CACNA1C: variants seen among roughly 807,000 people sequenced by gnomAD.
The protein encoded by CACNA1C is voltage-dependent L-type calcium channel subunit alpha-1C.
A neutral mutation model predicts 229.0 loss-of-function variants in CACNA1C; 30 were observed. The ratio of observed to expected loss-of-function variants is 0.13; its 90% CI spans 0.10 to 0.18. The LOEUF is 0.18. Ranked by LOEUF, CACNA1C falls within the 10% of genes least tolerant of loss-of-function variation. CACNA1C has a pLI of 1.00. For missense variants in CACNA1C, 1,658 were observed against 2,845.0 expected, an observed-to-expected ratio of 0.58 and a Z score of 9.49; for synonymous variants, 1,114 against 1,132.5, an observed-to-expected ratio of 0.98 and a Z score of 0.33.
intron 1 of CACNA1C, among the ~76,000 whole-genome samples, chr12:2,065,276 G>A (rs2058916892): frequency 6.6e-6 from 1 of 152,290 alleles, no homozygotes; most frequent in East Asian, 1.9e-4. Context: ...TATTTAAAAG[G>A]CAAAAATTTT....
At chr12:2,680,645 A>G (rs2097102834) in intron 42 of CACNA1C, 2 of 1,351,834 alleles carry the variant, frequency 1.5e-6, no homozygotes, top group Non-Finnish European at 2.0e-6. Flanking sequence ...AAACCCCTGG[A>G]AAAGTGTCCA....
intron 3 of CACNA1C, among the ~76,000 whole-genome samples, chr12:2,419,610 C>T (rs981119562): frequency 1.3e-5 from 2 of 152,190 alleles, no homozygotes; most frequent in African/African-American, 2.4e-5. Flanking sequence ...GCAGGGGCCC[C>T]GCAGTCCAGA....
At chr12:2,248,409 G>T (rs548911493) in intron 3 of CACNA1C, among the ~76,000 whole-genome samples, 3 of 152,300 alleles carry the variant, frequency 2.0e-5, no homozygotes, top group African/African-American at 4.8e-5. Flanking sequence ...CCTTTCCATT[G>T]TGAAGGAACC....
At chr12:2,497,992 C>A (rs1397726202) in intron 7 of CACNA1C, among the ~76,000 whole-genome samples, 1 of 151,958 alleles carries the variant, frequency 6.6e-6, no homozygotes, top group Non-Finnish European at 1.5e-5. Context: ...CACACACACA[C>A]ACACACACAC....
chr12:2,687,749 G>A (rs2097583180), intron 45 of CACNA1C, among the ~76,000 whole-genome samples: 1 of 152,152 alleles, frequency 6.6e-6, no homozygotes, highest in African/African-American at 2.4e-5. Flanking sequence ...GTGTTGGTCA[G>A]GCTGGTCTTG....
rs145304746 is a variant in CACNA1C at position 2,004,536 on chromosome 12, G to A, written c.139+33335G>A. The A allele has an allele frequency of 1.2e-3, 1,774 of 1,466,560 alleles. 16 individuals carry two copies. In the African/African-American group the frequency reaches 0.021, roughly 18 times the overall value. The allele number at this position is 1,466,560 out of a possible 1,614,324, so 90.8% of individuals were successfully genotyped here. A position where few individuals can be genotyped will look rare whatever the true frequency, so the allele number is the denominator to read the frequency against. On this transcript the variant is annotated intron_variant, in intron 1 of 46. Coordinates refer to the CACNA1C transcript ENST00000682462. ...AACCGAGAACCCACGGCGACCACAC[G>A]GCCCGGGAGGCCTTCCGGCTCCAGT...
rs1488681849 is a variant in CACNA1C, at chr12:2,665,840, G to A, written c.4526+132G>A. ...AAACACTGGATTGTATCACACCCTA[G>A]GGTGAAAGGTCAAGGGCCAGCAGGA... On this transcript the variant is annotated intron_variant, in intron 36 of 46. Transcript: ENST00000399655. This position sits in a 1 kb window ranked among gnomAD's most constrained non-coding sequence, Gnocchi z 5.9. 8 of 895,280 alleles carry A rather than the reference G, an allele frequency of 8.9e-6. No homozygotes were observed. Among genetic ancestry groups the A allele is most frequent in the African/African-American group, 6.9e-5 (4 of 58,178 alleles). The allele number at this position is 895,280 out of a possible 1,614,324, so 55.5% of individuals were successfully genotyped here.
chr12:2,098,363 G>A (rs1044637973), intron 1 of CACNA1C, among the ~76,000 whole-genome samples: 2 of 152,242 alleles, frequency 1.3e-5, no homozygotes, highest in Admixed American at 6.5e-5. Flanking sequence ...GCCTGTGAGT[G>A]TGTAGAAATA....
chr12:2,477,173 T>C (rs555908033), intron 5 of CACNA1C, among the ~76,000 whole-genome samples: 6 of 152,350 alleles, frequency 3.9e-5, no homozygotes, highest in Admixed American at 2.6e-4. Flanking sequence ...CAGTGCAACA[T>C]GATTCATGGA....
chr12:2,641,474 G>A (rs1057154814), intron 30 of CACNA1C: 2 of 545,510 alleles, frequency 3.7e-6, no homozygotes, highest in African/African-American at 1.9e-5. Flanking sequence ...AGGACAGCTG[G>A]GTGGGGCAGA....
Position 2,188,331 on chromosome 12 carries a change from G to A in CACNA1C, c.477+67901G>A, listed in dbSNP as rs111707112. ...TATTAAGAATAAATTATTCATTTTA[G>A]TCTTGCAACATAAACTCTTATTCTG... On this transcript the variant is annotated intron_variant, in intron 3 of 46. Transcript: ENST00000399655. Among the ~76,000 whole-genome samples, 9 of 148,100 alleles carry A rather than the reference G, an allele frequency of 6.1e-5. 1 individual carries two copies. The highest frequency in any genetic ancestry group is 2.3e-4 in the African/African-American group (9 of 38,896).
chr12:2,143,361 C>T (rs1296698750), intron 3 of CACNA1C, among the ~76,000 whole-genome samples: 1 of 151,106 alleles, frequency 6.6e-6, no homozygotes, highest in South Asian at 2.1e-4. Context: ...CCCTCAAATT[C>T]ACTCACCACT....
chr12:2,553,816 G>A lies in CACNA1C; in HGVS notation c.1482-3135G>A, dbSNP rs138785271. Among the ~76,000 whole-genome samples, 1,135 of 152,318 alleles carry A rather than the reference G, an allele frequency of 7.5e-3. 8 individuals carry two copies. The highest frequency in any genetic ancestry group is 0.037 in the Middle Eastern group (11 of 294). ...TTGGGTCCTCTGAAAGAGCAGGAGG[G>A]ATCATAGAAAGGGAGGCTCTGGCCA... is the stretch of plus-strand genomic sequence containing the variant. On this transcript the variant is annotated intron_variant, in intron 10 of 46. Coordinates refer to ENST00000399655, the MANE Select transcript of CACNA1C (RefSeq NM_000719.7).
intron 43 of CACNA1C, among the ~76,000 whole-genome samples, chr12:2,685,418 A>C (rs1461738150): frequency 1.3e-5 from 2 of 150,980 alleles, no homozygotes; most frequent in East Asian, 2.0e-4. Flanking sequence ...TCCCCAAAAG[A>C]ACTTCATGGG....
chr12:2,401,042 C>T (rs762940196), intron 3 of CACNA1C, among the ~76,000 whole-genome samples: 5 of 152,220 alleles, frequency 3.3e-5, no homozygotes, highest in African/African-American at 1.2e-4. Flanking sequence ...CCTAGAAGCC[C>T]CCCAAGGCTT....
Position 2,346,325 on chromosome 12 carries a change from TTGTAA to T in CACNA1C, c.478-102647_478-102643del, listed in dbSNP as rs1207702343. Among the ~76,000 whole-genome samples the T allele has an allele frequency of 6.6e-6, 1 of 152,132 alleles. No homozygotes were observed. The highest frequency in any genetic ancestry group is 1.5e-5 in the Non-Finnish European group (1 of 68,016). ...TACATTTCTGTGTGTCTGTGTGTCT[TTGTAA>T]TGTGTGTGTGTGCCTATGTATGTCT... On this transcript the variant is annotated intron_variant, in intron 3 of 46. Transcript: ENST00000399655. This position sits in a 1 kb window ranked among gnomAD's most constrained non-coding sequence, Gnocchi z 4.4.
rs538766935 is a variant in CACNA1C at position 2,172,985 on chromosome 12, C to T, written c.477+52555C>T. Among the ~76,000 whole-genome samples the T allele has an allele frequency of 3.9e-5, 6 of 152,228 alleles. No homozygotes were observed. The South Asian group carries it at 8.3e-4, about 21-fold the overall frequency. ...AGGACTGAGTTCTGAATGGCAGGGA[C>T]GTTTGCAGACAGGAGACTGGCGTCT... On this transcript the variant is annotated intron_variant, in intron 3 of 46. Coordinates refer to ENST00000399655, the MANE Select transcript of CACNA1C (RefSeq NM_000719.7).
intron 1 of CACNA1C, among the ~76,000 whole-genome samples, chr12:2,013,358 A>G (rs753681766): frequency 4.3e-4 from 65 of 152,346 alleles, no homozygotes; most frequent in Non-Finnish European, 7.3e-4. Context: ...CAAGATTTAT[A>G]TCCTGCACAA....
intron 29 of CACNA1C, among the ~76,000 whole-genome samples, chr12:2,631,435 A>G (rs1001746830): frequency 6.6e-6 from 1 of 152,184 alleles, no homozygotes; most frequent in African/African-American, 2.4e-5. Context: ...GACAGTATTC[A>G]TATCGAGAGG....
Sources: allele counts gnomAD v4.1 joint callset (sites outside exome capture counted in the v4.1 genomes callset), GRCh38; gene constraint gnomAD v4.1.1; non-coding constraint Gnocchi (gnomAD v3.1); transcripts MANE v1.5; gene names NCBI Gene and HGNC (gene_info 2026-07-23, HGNC 2026-07-21).